Variants in RLIM observed in about 807,000 individuals in gnomAD.
RLIM encodes E3 ubiquitin-protein ligase RLIM.
In RLIM, 2 loss-of-function variants were observed where a neutral mutation model predicts 34.0. The observed-to-expected ratio is 0.06, with a 90% CI of 0.02 to 0.19. The LOEUF is 0.19. Among genes scored for constraint, RLIM ranks in the 10% least tolerant of loss-of-function variants. RLIM has a pLI of 1.00. For synonymous variants in RLIM, 169 were observed against 164.0 expected, an observed-to-expected ratio of 1.03 and a Z score of -0.23; for missense variants, 286 against 479.7, an observed-to-expected ratio of 0.60 and a Z score of 3.77.
At chrX:74,610,896 AT>A (rs779021988) in intron 1 of RLIM, among the ~76,000 whole-genome samples, 1,212 of 110,449 alleles carry the variant, frequency 0.011, 18 homozygotes, top group South Asian at 0.082. Context: ...TCTCAAAAAA[AT>A]AAAAAAATAA....
intron 1 of RLIM, 109 bp from the exon 2 acceptor site, chrX:74,596,109 C>T: frequency 4.4e-6 from 2 of 453,348 alleles, no homozygotes; most frequent in Non-Finnish European, 7.0e-6. Flanking sequence ...GATTTTCAGA[C>T]CTCAAATGAA....
chrX:74,605,587 A>AG (rs1369814218), intron 1 of RLIM, among the ~76,000 whole-genome samples: 7 of 112,250 alleles, frequency 6.2e-5, no homozygotes, highest in Admixed American at 2.9e-4. Flanking sequence ...GTAAAAGAGA[A>AG]GGTCATAAAT....
chrX:74,609,730 C>T (rs1005170583), intron 1 of RLIM, among the ~76,000 whole-genome samples: 4 of 110,089 alleles, frequency 3.6e-5, no homozygotes, highest in Non-Finnish European at 7.6e-5. Flanking sequence ...TAATATGGCT[C>T]TCCCTTTCAC....
chrX:74,583,931 A>C lies in RLIM; in HGVS notation c.*7509T>G, dbSNP rs1247949562. ...CGTGGTGGCGGGCGCCTGTAATCCC[A>C]GCTACTCGGGAGGCTGAGGCAGGAG... On this transcript the variant is annotated 3_prime_UTR_variant, in exon 4 of 4. Transcript: ENST00000332687. Among the ~76,000 whole-genome samples, 3 of 111,003 alleles carry C rather than the reference A, an allele frequency of 2.7e-5. No individual in the cohort carries two copies. Among genetic ancestry groups the C allele is most frequent in the African/African-American group, 9.9e-5 (3 of 30,452 alleles).
rs919753020 is a variant in RLIM, at chrX:74,583,587, AT to A, written c.*7852del. 6.3e-6 allele frequency: 3 copies of A among 478,910 alleles called. No individual in the cohort carries two copies. The highest frequency in any genetic ancestry group is 1.1e-5 in the Non-Finnish European group (3 of 268,429). 39.5% of individuals were successfully genotyped at this position (478,910 alleles called of 1,213,427 possible). A position where few individuals can be genotyped will look rare whatever the true frequency, so the allele number is the denominator to read the frequency against. ...CCAGTCTATTTTGAGACTTCTGGAA[AT>A]AAAACACCTTGATACCGTTTGCCCT... On this transcript the variant is annotated 3_prime_UTR_variant, in exon 4 of 4. Coordinates refer to ENST00000332687, the MANE Select transcript of RLIM (RefSeq NM_016120.4).
At position 74,587,306 on chromosome X, in the gene RLIM, T is replaced by A. The variant is rs1362434066; in HGVS notation, c.*4134A>T. Reference sequence around the variant, plus strand: ...AAAACACACCTGACACTTTAACATGTGCCTTAACAATCTTGCATACTAAGG... The same window carrying A: ...AAAACACACCTGACACTTTAACATGAGCCTTAACAATCTTGCATACTAAGG... On this transcript the variant is annotated 3_prime_UTR_variant, in exon 4 of 4. Transcript: ENST00000332687. 4 of 110,937 alleles carry A rather than the reference T, an allele frequency of 3.6e-5. No individual in the cohort carries two copies. Among genetic ancestry groups the A allele is most frequent in the Non-Finnish European group, 7.5e-5 (4 of 53,052 alleles). The allele number at this position is 110,937 out of a possible 1,213,427, so 9.1% of individuals were successfully genotyped here. A position where few individuals can be genotyped will look rare whatever the true frequency, so the allele number is the denominator to read the frequency against.
chrX:74,596,621 CAATGA>C (rs1178201978), intron 1 of RLIM, among the ~76,000 whole-genome samples: 7 of 112,113 alleles, frequency 6.2e-5, no homozygotes, highest in African/African-American at 2.3e-4. Flanking sequence ...TATGAAAATG[CAATGA>C]AATTCACATT....
intron 1 of RLIM, among the ~76,000 whole-genome samples, chrX:74,601,152 G>T (rs1337664845): frequency 8.9e-6 from 1 of 111,954 alleles, no homozygotes; most frequent in African/African-American, 3.2e-5. Flanking sequence ...ATGGAGGGGG[G>T]TGTATCAGGT....
chrX:74,609,215 C>T (rs1440112389), intron 1 of RLIM, among the ~76,000 whole-genome samples: 2 of 110,570 alleles, frequency 1.8e-5, no homozygotes, highest in African/African-American at 3.3e-5. Context: ...TAGCCGGGTG[C>T]GGTGGCTCAC....
At chrX:74,610,332 G>A (rs1244628171) in intron 1 of RLIM, among the ~76,000 whole-genome samples, 3 of 110,356 alleles carry the variant, frequency 2.7e-5, no homozygotes, top group South Asian at 3.8e-4. Context: ...CAGGAGAACC[G>A]CTTGAACCCA....
At chrX:74,601,569 G>A (rs764511760) in intron 1 of RLIM, among the ~76,000 whole-genome samples, 61 of 111,931 alleles carry the variant, frequency 5.4e-4, no homozygotes, top group African/African-American at 1.8e-3. Context: ...TTCACATAGG[G>A]ATGGTTCTAA....
At chrX:74,605,576 C>T (rs193144571) in intron 1 of RLIM, among the ~76,000 whole-genome samples, 4 of 111,922 alleles carry the variant, frequency 3.6e-5, no homozygotes, top group Non-Finnish European at 5.6e-5. Flanking sequence ...TCAACATCAT[C>T]GTAAAAGAGA....
chrX:74,604,561 ATACTC>A (rs1472798550), intron 1 of RLIM, among the ~76,000 whole-genome samples: 1 of 111,817 alleles, frequency 8.9e-6, no homozygotes, highest in Admixed American at 9.5e-5. Context: ...ATAAGGTTCA[ATACTC>A]TACAATGTTC....
Position 74,586,988 on chromosome X carries a change from A to G in RLIM, c.*4452T>C. The stretch of plus-strand genomic sequence containing the variant: ...GTAGTCCCAGCTACTTGGAAGGCTG[A>G]GGTGGGAGAATCACCTGAGCCCAGG... On this transcript the variant is annotated 3_prime_UTR_variant, in exon 4 of 4. Coordinates refer to ENST00000332687, the MANE Select transcript of RLIM (RefSeq NM_016120.4). The G allele has an allele frequency of 8.8e-6, 1 of 113,512 alleles. No individual in the cohort carries two copies. Among genetic ancestry groups the G allele is most frequent in the Non-Finnish European group, 1.9e-5 (1 of 53,449 alleles). The allele number at this position is 113,512 out of a possible 1,213,427, so 9.4% of individuals were successfully genotyped here.
At chrX:74,605,981 T>G (rs1446012052) in intron 1 of RLIM, among the ~76,000 whole-genome samples, 1 of 111,953 alleles carries the variant, frequency 8.9e-6, no homozygotes, top group Non-Finnish European at 1.9e-5. Context: ...CTAAGACAAC[T>G]GCCTCCCAAC....
chrX:74,606,715 C>T (rs1163431896), intron 1 of RLIM, among the ~76,000 whole-genome samples: 2 of 111,582 alleles, frequency 1.8e-5, no homozygotes, highest in East Asian at 5.6e-4. Flanking sequence ...CATTATAGTA[C>T]CCAATTAAGG....
At position 74,586,648 on chromosome X, in the gene RLIM, C is replaced by A. The variant is rs983590450; in HGVS notation, c.*4792G>T. The A allele has an allele frequency of 3.6e-5, 4 of 112,169 alleles. No homozygotes were observed. Among genetic ancestry groups the A allele is most frequent in the African/African-American group, 1.3e-4 (4 of 30,882 alleles). The allele number at this position is 112,169 out of a possible 1,213,427, so 9.2% of individuals were successfully genotyped here. ...TACAAACTGGGGTTACATGAGATCACTCACTTGTTAGAGAAGTATCAGATA... is the reference window on the plus strand; with the variant it reads ...TACAAACTGGGGTTACATGAGATCAATCACTTGTTAGAGAAGTATCAGATA... On this transcript the variant is annotated 3_prime_UTR_variant, in exon 4 of 4. Transcript: ENST00000332687.
In RLIM at chrX:74,585,858, CGA is replaced by C. The variant is rs1271887092; in HGVS notation, c.*5580_*5581del. The C allele has an allele frequency of 8.9e-6, 1 of 111,796 alleles. No individual in the cohort carries two copies. The highest frequency in any genetic ancestry group is 1.9e-5 in the Non-Finnish European group (1 of 53,203). The allele number at this position is 111,796 out of a possible 1,213,427, so 9.2% of individuals were successfully genotyped here. A position where few individuals can be genotyped will look rare whatever the true frequency, so the allele number is the denominator to read the frequency against. On this transcript the variant is annotated 3_prime_UTR_variant, in exon 4 of 4. Coordinates refer to ENST00000332687, the MANE Select transcript of RLIM (RefSeq NM_016120.4). The stretch of plus-strand genomic sequence containing the variant: ...CCTCTCTGCTTTTTTGAGTCTCTCC[CGA>C]AGGTCAGGAAGCCCTGGTATAACAA...
rs1052308649 is a variant in RLIM, at chrX:74,584,949, T to C, written c.*6491A>G. 3.6e-5 allele frequency among the ~76,000 whole-genome samples: 4 copies of C among 112,163 alleles called. No individual in the cohort carries two copies. Among genetic ancestry groups the C allele is most frequent in the Middle Eastern group, 4.6e-3 (1 of 219 alleles). On this transcript the variant is annotated 3_prime_UTR_variant, in exon 4 of 4. Coordinates refer to ENST00000332687, the MANE Select transcript of RLIM (RefSeq NM_016120.4). ...ACCGAGTTATGATGCCAATGACAGATAGCTCTGCAGGCACCAGAGGAAATG... is the reference window on the plus strand; with the variant it reads ...ACCGAGTTATGATGCCAATGACAGACAGCTCTGCAGGCACCAGAGGAAATG...
Sources: allele counts gnomAD v4.1 joint callset (sites outside exome capture counted in the v4.1 genomes callset), GRCh38; gene constraint gnomAD v4.1.1; transcripts MANE v1.5; gene names NCBI Gene and HGNC (gene_info 2026-07-23, HGNC 2026-07-21).